SAMD8: variants seen among roughly 807,000 people sequenced by gnomAD.
The protein encoded by SAMD8 is sterile alpha motif domain containing 8.
SAMD8 carries 20 observed loss-of-function variants against 42.0 expected under a neutral mutation model. The observed-to-expected ratio is 0.48, with a 90% CI of 0.34 to 0.69. The LOEUF (loss-of-function observed/expected upper bound fraction) is 0.69. Ranked by LOEUF, SAMD8 falls within the 30% of genes least tolerant of loss-of-function variation. The probability of loss-of-function intolerance (pLI) is 0.01; values close to 1 mark genes in which losing one functional copy is unlikely to be tolerated. For synonymous variants in SAMD8, 162 were observed against 173.0 expected (o/e 0.94, Z 0.50); for missense variants, 328 against 511.6 (o/e 0.64, Z 3.46).
intron 1 of SAMD8, among the ~76,000 whole-genome samples, chr10:75,127,187 CAAA>C (rs11441219): frequency 2.6e-5 from 3 of 117,042 alleles, no homozygotes; most frequent in Admixed American, 8.5e-5. Flanking sequence ...GACTCTGTCT[CAAA>C]AAAAAAAAAA....
At chr10:75,107,828 C>T (rs749245379), upstream of SAMD8, among the ~76,000 whole-genome samples, 7 of 152,186 alleles carry the variant, frequency 4.6e-5, no homozygotes, top group African/African-American at 9.7e-5. Context: ...CCACCCACCT[C>T]GGCCTCCCAA....
chr10:75,150,672 T>C lies in SAMD8; in HGVS notation c.144T>C (p.Thr48=). ...RLDGITLLTL[T]EYDLRSPPLE... is the part of the protein sequence containing the mutation. ...ATGGAATCACATTGCTAACATTGAC[T>C]GAATATGATCTCCGGTCTCCTCCTC... is the stretch of plus-strand genomic sequence containing the variant. Residue 48 remains threonine (T), a synonymous_variant, in exon 2 of 6, where the codon ACT becomes ACC. Coordinates refer to ENST00000542569, the MANE Select transcript of SAMD8 (RefSeq NM_001174156.2). The C allele has an allele frequency of 2.5e-6, 4 of 1,614,190 alleles. No individual in the cohort carries two copies. The highest frequency in any genetic ancestry group is 3.4e-6 in the Non-Finnish European group (4 of 1,180,018).
At chr10:75,114,875 C>A (rs1848842090) in intron 1 of SAMD8, among the ~76,000 whole-genome samples, 1 of 151,976 alleles carries the variant, frequency 6.6e-6, no homozygotes, top group Non-Finnish European at 1.5e-5. Flanking sequence ...AGCTTTGATT[C>A]TCTTTGGACA....
At chr10:75,123,088 TGGA>T (rs906829988) in intron 1 of SAMD8, among the ~76,000 whole-genome samples, 5 of 152,140 alleles carry the variant, frequency 3.3e-5, no homozygotes, top group African/African-American at 4.8e-5. Context: ...TAGTGCCAGG[TGGA>T]GAAGGGTTAA....
At chr10:75,110,940 C>G (rs1436268381), upstream of SAMD8, among the ~76,000 whole-genome samples, 1 of 151,976 alleles carries the variant, frequency 6.6e-6, no homozygotes, top group Non-Finnish European at 1.5e-5. Flanking sequence ...CTCAGCCTCC[C>G]GAGTAGCTGG....
Position 75,163,385 on chromosome 10 carries a change from C to T in SAMD8, c.579-1260C>T, listed in dbSNP as rs1338682126. Among the ~76,000 whole-genome samples, 3 of 152,150 alleles carry T rather than the reference C, an allele frequency of 2.0e-5. No homozygotes were observed. The East Asian group carries it at 5.8e-4, about 29-fold the overall frequency. ...CTATTTTGTTCGTTTCAGTCTCCTT[C>T]CCCTTCCTTTCTTCCTCCCTTCCTC... On this transcript the variant is annotated intron_variant, in intron 2 of 5. Transcript: ENST00000542569.
At chr10:75,150,441 G>C in intron 1 of SAMD8, 73 bp from the exon 2 acceptor site, 2 of 1,513,586 alleles carry the variant, frequency 1.3e-6, no homozygotes, top group Non-Finnish European at 1.8e-6. Flanking sequence ...GTGTATTTAT[G>C]TGTGTTTGTC....
At chr10:75,139,720 T>G (rs1000479928) in intron 1 of SAMD8, among the ~76,000 whole-genome samples, 2 of 152,220 alleles carry the variant, frequency 1.3e-5, no homozygotes, top group African/African-American at 4.8e-5. Flanking sequence ...GGCTTTTTAT[T>G]ATAGAGAGAC....
intron 3 of SAMD8, 132 bp downstream of exon 3, chr10:75,164,872 A>G: frequency 1.5e-6 from 1 of 681,182 alleles, no homozygotes; most frequent in Non-Finnish European, 2.5e-6. Context: ...TTATTAACAA[A>G]GGATTTTGAG....
intron 1 of SAMD8, among the ~76,000 whole-genome samples, chr10:75,137,704 C>T (rs561521896): frequency 2.4e-4 from 37 of 152,048 alleles, no homozygotes; most frequent in African/African-American, 8.7e-4. Context: ...TAGAGAATAC[C>T]AGGGACTGAG....
chr10:75,166,304 C>CA (rs1414175032), intron 3 of SAMD8, among the ~76,000 whole-genome samples: 3 of 150,368 alleles, frequency 2.0e-5, no homozygotes, highest in East Asian at 2.0e-4. Flanking sequence ...GCATTGTAAA[C>CA]AAAAAATTTA....
intron 4 of SAMD8, among the ~76,000 whole-genome samples, chr10:75,172,759 G>T (rs1840900603): frequency 6.6e-6 from 1 of 152,054 alleles, no homozygotes; most frequent in African/African-American, 2.4e-5. Context: ...ACCTCCGAAA[G>T]TGCTGGGATT....
chr10:75,105,748 C>T (rs370795251), intron 1 of SAMD8: 100 of 1,554,118 alleles, frequency 6.4e-5, no homozygotes, highest in Admixed American at 3.3e-4. Context: ...GAAGACCCAT[C>T]GGTGCTGCCT....
intron 1 of SAMD8, among the ~76,000 whole-genome samples, chr10:75,120,121 G>A (rs2134424407): frequency 6.6e-6 from 1 of 152,272 alleles, no homozygotes; most frequent in East Asian, 1.9e-4. Context: ...GGTCTCTTGT[G>A]TGTTGGTATA....
chr10:75,131,505 A>G (rs1365289316), intron 1 of SAMD8, among the ~76,000 whole-genome samples: 1 of 152,150 alleles, frequency 6.6e-6, no homozygotes, highest in African/African-American at 2.4e-5. Context: ...ATATTAAAAC[A>G]TATACTAATT....
intron 4 of SAMD8, among the ~76,000 whole-genome samples, chr10:75,171,965 G>A (rs1481643113): frequency 6.6e-6 from 1 of 151,612 alleles, no homozygotes; most frequent in East Asian, 1.9e-4. Context: ...GGCAGAGGCT[G>A]CAGTGAGCTG....
chr10:75,160,761 G>C (rs913443329), intron 2 of SAMD8, among the ~76,000 whole-genome samples: 3 of 152,130 alleles, frequency 2.0e-5, no homozygotes, highest in Non-Finnish European at 2.9e-5. Context: ...TGCCCAAGAG[G>C]TAAGTTTATT....
At chr10:75,106,101 C>CTTTTTT (rs767630456) in intron 1 of SAMD8, among the ~76,000 whole-genome samples, 20 of 123,008 alleles carry the variant, frequency 1.6e-4, no homozygotes, top group Non-Finnish European at 2.2e-4. Flanking sequence ...TCTTTCTTTT[C>CTTTTTT]TTTTTTTTTT....
At chr10:75,170,315 C>T (rs531853772) in intron 4 of SAMD8, among the ~76,000 whole-genome samples, 1 of 152,242 alleles carries the variant, frequency 6.6e-6, no homozygotes, top group African/African-American at 2.4e-5. Context: ...TTTGTAACAG[C>T]ATTCACGTTC....
Sources: gnomAD v4.1 joint callset for allele counts (sites outside exome capture counted in the v4.1 genomes callset) on GRCh38, gnomAD v4.1.1 for gene constraint, MANE v1.5 for transcripts, NCBI Gene and HGNC (gene_info 2026-07-23, HGNC 2026-07-21) for gene names.